TRPV1: variants seen among roughly 807,000 people sequenced by gnomAD.
TRPV1 encodes the protein OTRPC1.
TRPV1 carries 82 observed loss-of-function variants against 82.3 expected under a neutral mutation model. That is an observed-to-expected ratio of 1.00 (90% CI 0.83 to 1.20). The LOEUF (loss-of-function observed/expected upper bound fraction) is 1.20. Ranked by LOEUF, TRPV1 falls within the 50% of genes most tolerant of loss-of-function variation. TRPV1 has a pLI of 0.00. For synonymous variants in TRPV1, 515 were observed against 467.7 expected (o/e 1.10, Z -1.30); for missense variants, 1,067 against 1,096.8 (o/e 0.97, Z 0.38).
At position 3,566,736 on chromosome 17, in the gene TRPV1, C is replaced by G. The variant is rs953993653; in HGVS notation, c.*79G>C. 1.3e-6 allele frequency: 2 copies of G among 1,535,446 alleles called. No individual in the cohort carries two copies. Among genetic ancestry groups the G allele is most frequent in the East Asian group, 4.5e-5 (2 of 44,040 alleles). ...ACCAGGCCAGGCTGCTGACAGAGCA[C>G]TGGTGTTCCCTCAGCAGCCCCCCGT... On this transcript the variant is annotated 3_prime_UTR_variant, in exon 17 of 17. Coordinates refer to ENST00000572705, the MANE Select transcript of TRPV1 (RefSeq NM_080704.4).
At chr17:3,576,833 A>T (rs1300097183) in intron 13 of TRPV1, among the ~76,000 whole-genome samples, 1 of 133,006 alleles carries the variant, frequency 7.5e-6, no homozygotes, top group Non-Finnish European at 1.6e-5. Flanking sequence ...TTGGCGACAG[A>T]GTGAGACTCC....
intron 2 of TRPV1, among the ~76,000 whole-genome samples, chr17:3,596,749 ACT>A (rs1244358036): frequency 1.3e-5 from 2 of 152,078 alleles, no homozygotes; most frequent in Non-Finnish European, 2.9e-5. Context: ...TGAGGCAGCC[ACT>A]CTTACTACCC....
intron 13 of TRPV1, 130 bp downstream of exon 13, chr17:3,576,996 C>T (rs894569556): frequency 5.0e-5 from 44 of 887,218 alleles, no homozygotes; most frequent in Non-Finnish European, 7.4e-5. Context: ...GTCCTCTGTC[C>T]ACCCTCTCAG....
chr17:3,585,958 C>T (rs987788630), intron 8 of TRPV1, 32 bp from the exon 9 acceptor site: 1 of 1,612,486 alleles, frequency 6.2e-7, no homozygotes, highest in Non-Finnish European at 8.5e-7. Context: ...GAGGTTCCCT[C>T]CTGCAGCAGG....
Position 3,604,173 on chromosome 17 carries a change from C to A in TRPV1, c.-34+4254G>T, listed in dbSNP as rs77203236. Among the ~76,000 whole-genome samples, 779 of 152,298 alleles carry A rather than the reference C, an allele frequency of 5.1e-3. 8 individuals are homozygous for A. The highest frequency in any genetic ancestry group is 0.018 in the African/African-American group (742 of 41,554). On this transcript the variant is annotated intron_variant, in intron 2 of 16. Transcript: ENST00000572705. ...GATGCCATTTGGGCTGGGCCTTGGA[C>A]AAGGAGAAGGATTCTGCCCCACAAG...
At chr17:3,583,188 G>A (rs1293759682) in intron 10 of TRPV1, 150 bp downstream of exon 10, 2 of 709,510 alleles carry the variant, frequency 2.8e-6, no homozygotes, top group African/African-American at 3.6e-5. Context: ...ACTGACTGAA[G>A]GGCTCTCATC....
At chr17:3,592,042 AG>A (rs766007359) in intron 3 of TRPV1, 24 bp downstream of exon 3, 29 of 1,601,270 alleles carry the variant, frequency 1.8e-5, no homozygotes, top group Non-Finnish European at 2.3e-5. Context: ...CCCAGCAGGG[AG>A]GGGGGCTCCA....
At chr17:3,584,978 A>G (rs1406566457) in intron 9 of TRPV1, among the ~76,000 whole-genome samples, 3 of 152,142 alleles carry the variant, frequency 2.0e-5, no homozygotes, top group East Asian at 3.8e-4. Flanking sequence ...AGGGCCTGGC[A>G]CAGAGCTGCT....
At position 3,573,687 on chromosome 17, in the gene TRPV1, C is replaced by A. The variant is rs199991499; in HGVS notation, c.2049G>T (p.Met683Ile). Residue 683 changes from methionine to isoleucine, a missense_variant, in exon 14 of 17, where the codon ATG becomes ATT. Physicochemically the swap from Met to Ile is conservative, Grantham distance 10. Coordinates refer to ENST00000572705, the MANE Select transcript of TRPV1 (RefSeq NM_080704.4). ...ILLLNMLIAL[M>I]GETVNKIAQE... ...GTGCGATCTTGTTGACAGTCTCACC[C>A]ATGAGGGCGATGAGCATGTTGAGCA... 6.2e-7 allele frequency: 1 copy of A among 1,614,080 alleles called. No individual in the cohort carries two copies. Among genetic ancestry groups the A allele is most frequent in the Non-Finnish European group, 8.5e-7 (1 of 1,180,014 alleles).
At chr17:3,586,312 A>C (rs1267219775) in intron 8 of TRPV1, among the ~76,000 whole-genome samples, 1 of 152,214 alleles carries the variant, frequency 6.6e-6, no homozygotes, top group African/African-American at 2.4e-5. Context: ...GGCAGGCAGG[A>C]AAGAGCCTCT....
intron 16 of TRPV1, among the ~76,000 whole-genome samples, chr17:3,570,062 AGGG>A (rs1356518265): frequency 6.7e-6 from 1 of 150,282 alleles, no homozygotes; most frequent in East Asian, 2.0e-4. Flanking sequence ...AGTTGTTTTA[AGGG>A]CACAGAGTTT....
intron 13 of TRPV1, among the ~76,000 whole-genome samples, chr17:3,576,653 G>GAAAAAAAAAAAA (rs35781190): frequency 1.9e-4 from 8 of 41,492 alleles, no homozygotes; most frequent in Non-Finnish European, 2.3e-4. Context: ...CTCTGTATGA[G>GAAAAAAAAAAAA]AAAAAAAAAA....
chr17:3,572,257 A>G lies in TRPV1; in HGVS notation c.2104-8T>C, dbSNP rs749860571. On this transcript the variant is annotated splice_region_variant and splice_polypyrimidine_tract_variant and intron_variant, in intron 14 of 16. Coordinates refer to ENST00000572705, the MANE Select transcript of TRPV1 (RefSeq NM_080704.4). The stretch of plus-strand genomic sequence containing the variant: ...CAGGATGGTGATGGCTCTCTGCAGG[A>G]AGACACCAAGGGCAGAGGAGCTGAG... The G allele has an allele frequency of 3.1e-6, 5 of 1,605,866 alleles. No homozygotes were observed. The highest frequency in any genetic ancestry group is 4.3e-6 in the Non-Finnish European group (5 of 1,176,232).
intron 10 of TRPV1, among the ~76,000 whole-genome samples, chr17:3,582,474 G>A (rs565011274): frequency 3.3e-5 from 5 of 151,960 alleles, no homozygotes; most frequent in Admixed American, 1.3e-4. Flanking sequence ...TTTTTTGTAC[G>A]CAGCTAAGTT....
intron 16 of TRPV1, among the ~76,000 whole-genome samples, chr17:3,571,312 G>A (rs1016200980): frequency 7.2e-5 from 11 of 152,156 alleles, no homozygotes; most frequent in Non-Finnish European, 1.6e-4. Flanking sequence ...CCAGTGAGCC[G>A]TCAGCCATCA....
In TRPV1 at chr17:3,606,288, G is replaced by A. The variant is rs147287406; in HGVS notation, c.-34+2139C>T. Among the ~76,000 whole-genome samples, 160 of 152,242 alleles carry A rather than the reference G, an allele frequency of 1.1e-3. 1 individual carries two copies. The highest frequency in any genetic ancestry group is 6.8e-3 in the East Asian group (35 of 5,180). On this transcript the variant is annotated intron_variant, in intron 2 of 16. Coordinates refer to ENST00000572705, the MANE Select transcript of TRPV1 (RefSeq NM_080704.4). ...CGCTTACTTCTCTGTCCCACTGCAC[G>A]TCCCTCGCTGGTTGGTGAGAACTCT...
chr17:3,603,013 C>A (rs977955625), intron 2 of TRPV1, among the ~76,000 whole-genome samples: 1 of 151,812 alleles, frequency 6.6e-6, no homozygotes, highest in Admixed American at 6.6e-5. Context: ...CCCAGCTACT[C>A]GGGAGGCTGA....
chr17:3,598,550 C>T (rs2075238464), intron 2 of TRPV1, among the ~76,000 whole-genome samples: 1 of 151,078 alleles, frequency 6.6e-6, no homozygotes, highest in African/African-American at 2.4e-5. Flanking sequence ...CCACCATACC[C>T]CTCGCTTAGT....
intron 2 of TRPV1, among the ~76,000 whole-genome samples, chr17:3,606,078 C>A (rs186965867): frequency 2.6e-5 from 4 of 152,168 alleles, no homozygotes; most frequent in African/African-American, 9.7e-5. Context: ...CCTGCCTCAG[C>A]CTCCCAAGTA....
Sources: gnomAD v4.1 joint callset for allele counts (sites outside exome capture counted in the v4.1 genomes callset) on GRCh38, gnomAD v4.1.1 for gene constraint, MANE v1.5 for transcripts, NCBI Gene and HGNC (gene_info 2026-07-23, HGNC 2026-07-21) for gene names.